The following TOM1L2 variants were observed in gnomAD, a reference collection of about 807,000 sequenced individuals.
TOM1L2 encodes the protein TOM1-like protein 2.
Under a neutral mutation model 67.9 loss-of-function variants are expected in TOM1L2, and 31 were observed. The observed-to-expected ratio is 0.46, with a 90% confidence interval of 0.34 to 0.62. The LOEUF is 0.62. Among genes scored for constraint, TOM1L2 ranks in the 20% least tolerant of loss-of-function variants. The probability of loss-of-function intolerance (pLI) is 0.01; values close to 1 mark genes in which losing one functional copy is unlikely to be tolerated. For synonymous variants in TOM1L2, 256 were observed against 254.0 expected, an observed-to-expected ratio of 1.01 and a Z score of -0.07; for missense variants, 606 against 663.5, an observed-to-expected ratio of 0.91 and a Z score of 0.95.
chr17:17,927,267 G>C (rs1188669716), intron 1 of TOM1L2, among the ~76,000 whole-genome samples: 1 of 152,250 alleles, frequency 6.6e-6, no homozygotes, highest in African/African-American at 2.4e-5. Flanking sequence ...ACTGTACCAA[G>C]TCAAGCTGGT....
chr17:17,967,140 G>C (rs954153900), intron 1 of TOM1L2, among the ~76,000 whole-genome samples: 1 of 152,094 alleles, frequency 6.6e-6, no homozygotes, highest in African/African-American at 2.4e-5. Context: ...AACTATTCTT[G>C]GTACAAATAG....
chr17:17,861,570 C>T lies in TOM1L2; in HGVS notation c.1203-19G>A. 1 of 1,613,144 alleles carries T rather than the reference C, an allele frequency of 6.2e-7. No homozygotes were observed. Among genetic ancestry groups the T allele is most frequent in the Non-Finnish European group, 8.5e-7 (1 of 1,179,270 alleles). On this transcript the variant is annotated intron_variant, in intron 11 of 14. Transcript: ENST00000379504. Reference sequence around the variant, plus strand: ...GGTTACCCTGGAGATGAAGAAGCAGCACAAGCAGAGTTCATTTTCCTCCAG... The same window carrying T: ...GGTTACCCTGGAGATGAAGAAGCAGTACAAGCAGAGTTCATTTTCCTCCAG...
At chr17:17,934,564 GTGTTTTGTTT>G (rs372509876) in intron 1 of TOM1L2, among the ~76,000 whole-genome samples, 3 of 152,190 alleles carry the variant, frequency 2.0e-5, no homozygotes, top group Non-Finnish European at 2.9e-5. Flanking sequence ...ATGTCTTACT[GTGTTTTGTTT>G]TGTTTTGTTT....
At chr17:17,968,526 A>T (rs2041947931) in intron 1 of TOM1L2, among the ~76,000 whole-genome samples, 1 of 152,130 alleles carries the variant, frequency 6.6e-6, no homozygotes, top group African/African-American at 2.4e-5. Flanking sequence ...TTAGCCCGGC[A>T]CGGTGCCAGG....
intron 14 of TOM1L2, 90 bp from the exon 15 acceptor site, chr17:17,847,873 T>A: frequency 1.9e-6 from 3 of 1,574,756 alleles, no homozygotes; most frequent in Non-Finnish European, 2.6e-6. Flanking sequence ...CGTTTCCTCC[T>A]CTAGGGCAGG....
At chr17:17,849,084 CAT>C in intron 13 of TOM1L2, 1 of 572,786 alleles carries the variant, frequency 1.7e-6, no homozygotes, top group Non-Finnish European at 3.1e-6. Flanking sequence ...AAAATTCAAA[CAT>C]GTTTTAGGTT....
At chr17:17,881,396 C>A (rs577199124) in intron 6 of TOM1L2, among the ~76,000 whole-genome samples, 3 of 152,154 alleles carry the variant, frequency 2.0e-5, no homozygotes, top group Non-Finnish European at 4.4e-5. Context: ...GCTACCTATG[C>A]CCAGACCCTG....
At chr17:17,894,087 A>G (rs2038434898) in intron 3 of TOM1L2, among the ~76,000 whole-genome samples, 1 of 152,248 alleles carries the variant, frequency 6.6e-6, no homozygotes, top group Non-Finnish European at 1.5e-5. Context: ...CATGAGAAGG[A>G]TGCTAGTGTT....
intron 13 of TOM1L2, among the ~76,000 whole-genome samples, chr17:17,849,752 T>A (rs954179323): frequency 6.6e-6 from 1 of 152,176 alleles, no homozygotes; most frequent in Non-Finnish European, 1.5e-5. Flanking sequence ...ACTGGACACA[T>A]CCCCTCCCTG....
intron 12 of TOM1L2, among the ~76,000 whole-genome samples, chr17:17,856,386 G>A (rs1015665763): frequency 6.6e-6 from 1 of 152,290 alleles, no homozygotes; most frequent in Non-Finnish European, 1.5e-5. Context: ...GCTACTATGA[G>A]AGGTGGCAGG....
At chr17:17,967,726 G>C (rs2041921444) in intron 1 of TOM1L2, among the ~76,000 whole-genome samples, 1 of 152,138 alleles carries the variant, frequency 6.6e-6, no homozygotes, top group Non-Finnish European at 1.5e-5. Flanking sequence ...TTCCGCCTCA[G>C]CCTCCCGAGT....
chr17:17,971,962 G>A (rs1035491326), intron 1 of TOM1L2, among the ~76,000 whole-genome samples: 6 of 151,506 alleles, frequency 4.0e-5, no homozygotes, highest in Non-Finnish European at 8.8e-5. Context: ...CCCCCCGGGA[G>A]GTGGCACCGG....
In TOM1L2 at chr17:17,928,581, G is replaced by A. The variant is rs77257272; in HGVS notation, c.53-21050C>T. 7.5e-3 allele frequency among the ~76,000 whole-genome samples: 1,137 copies of A among 152,214 alleles called. 12 individuals carry two copies. The highest frequency in any genetic ancestry group is 0.026 in the African/African-American group (1,084 of 41,514). ...TCAGTGAGGGCCCCAGACGGCCCCC[G>A]CGTGAGCATGCACACACGAGATGAA... is the stretch of plus-strand genomic sequence containing the variant. On this transcript the variant is annotated intron_variant, in intron 1 of 14. Coordinates refer to ENST00000379504, the MANE Select transcript of TOM1L2 (RefSeq NM_001082968.2).
intron 1 of TOM1L2, 77 bp downstream of exon 1, chr17:17,972,185 C>A: frequency 6.5e-7 from 1 of 1,526,844 alleles, no homozygotes; most frequent in Non-Finnish European, 8.8e-7. Flanking sequence ...CACCGGCGCC[C>A]GGCGGAGGCC....
intron 7 of TOM1L2, among the ~76,000 whole-genome samples, chr17:17,871,596 G>A (rs930204584): frequency 2.6e-5 from 4 of 152,082 alleles, no homozygotes; most frequent in Non-Finnish European, 5.9e-5. Context: ...GCTTGAATCC[G>A]GGAGGCAGAG....
chr17:17,890,150 C>T (rs1469832905), intron 4 of TOM1L2, among the ~76,000 whole-genome samples: 1 of 152,130 alleles, frequency 6.6e-6, no homozygotes, highest in African/African-American at 2.4e-5. Context: ...CTTTCTTTCT[C>T]AAAGGGGCTA....
chr17:17,950,552 C>T (rs1406693339), intron 1 of TOM1L2, among the ~76,000 whole-genome samples: 3 of 152,132 alleles, frequency 2.0e-5, no homozygotes, highest in Middle Eastern at 3.4e-3. Context: ...TGCACCTGGT[C>T]GCTGTTCCAA....
In TOM1L2 at chr17:17,854,434, G is replaced by A. The variant is rs115406681; in HGVS notation, c.1279-3482C>T. On this transcript the variant is annotated intron_variant, in intron 12 of 14. Coordinates refer to ENST00000379504, the MANE Select transcript of TOM1L2 (RefSeq NM_001082968.2). ...TCGGTATCCTCATCTGTCAGACTAGGGGCTGGCCCAGCAGATTCCTAAGAA... is the reference window on the plus strand; with the variant it reads ...TCGGTATCCTCATCTGTCAGACTAGAGGCTGGCCCAGCAGATTCCTAAGAA... 2.7e-3 allele frequency among the ~76,000 whole-genome samples: 413 copies of A among 152,216 alleles called. 1 individual carries two copies. The highest frequency in any genetic ancestry group is 9.5e-3 in the African/African-American group (394 of 41,540).
intron 8 of TOM1L2, 98 bp from the exon 9 acceptor site, chr17:17,867,022 G>T: frequency 2.6e-6 from 3 of 1,151,330 alleles, no homozygotes; most frequent in Non-Finnish European, 2.6e-6. Flanking sequence ...CTGGGACCAA[G>T]ACCAGCCAGT....
Sources: allele counts gnomAD v4.1 joint callset (sites outside exome capture counted in the v4.1 genomes callset), GRCh38; gene constraint gnomAD v4.1.1; transcripts MANE v1.5; gene names NCBI Gene and HGNC (gene_info 2026-07-23, HGNC 2026-07-21).